Variants in ZBTB46 observed in about 807,000 individuals in gnomAD.
ZBTB46 encodes the protein zinc finger and BTB domain containing 46.
In ZBTB46, 8 loss-of-function variants were observed where a neutral mutation model predicts 44.1. The ratio of observed to expected loss-of-function variants is 0.18; its 90% confidence interval spans 0.11 to 0.33. The LOEUF (loss-of-function observed/expected upper bound fraction) is 0.33. Ranked by LOEUF, ZBTB46 falls within the 10% of genes least tolerant of loss-of-function variation. The pLI is 1.00. For missense variants in ZBTB46, 651 were observed against 847.7 expected (o/e 0.77, Z 2.88); for synonymous variants, 409 against 382.3 (o/e 1.07, Z -0.81).
chr20:63,805,216 A>C (rs2092673859), intron 1 of ZBTB46, among the ~76,000 whole-genome samples: 1 of 152,070 alleles, frequency 6.6e-6, no homozygotes. Flanking sequence ...ACCACGCCCG[A>C]CCTACAGTAC....
chr20:63,815,394 C>CAA (rs2092743582), intron 1 of ZBTB46, among the ~76,000 whole-genome samples: 1 of 144,864 alleles, frequency 6.9e-6, no homozygotes, highest in South Asian at 2.2e-4. Flanking sequence ...GCAGTGAGTG[C>CAA]AGGTGCAGTG....
rs116250690 is a variant in ZBTB46 at position 63,755,602 on chromosome 20, G to T, written c.1223-2741C>A. 7.6e-3 allele frequency among the ~76,000 whole-genome samples: 1,150 copies of T among 152,272 alleles called. 11 individuals are homozygous for T. Among genetic ancestry groups the T allele is most frequent in the African/African-American group, 0.027 (1,108 of 41,546 alleles). On this transcript the variant is annotated intron_variant, in intron 3 of 4. Transcript: ENST00000245663. ...AAGAGTCACATCCACAAGCTCTGAG[G>T]ATCAGGACGGAGTGTTCACTGCTCA...
chr20:63,773,725 C>T (rs887948537), intron 3 of ZBTB46, among the ~76,000 whole-genome samples: 1 of 152,096 alleles, frequency 6.6e-6, no homozygotes, highest in African/African-American at 2.4e-5. Flanking sequence ...GGCCCGGGAT[C>T]CCCCTCCGAC....
chr20:63,818,651 C>T (rs1484723608), intron 1 of ZBTB46, among the ~76,000 whole-genome samples: 1 of 151,878 alleles, frequency 6.6e-6, no homozygotes, highest in South Asian at 2.1e-4. Context: ...GTCAGGAGTT[C>T]GAGACCAGCC....
At chr20:63,781,523 T>A (rs1229691531) in intron 2 of ZBTB46, among the ~76,000 whole-genome samples, 1 of 152,126 alleles carries the variant, frequency 6.6e-6, no homozygotes. Context: ...AGGTGTGGCG[T>A]CTCACGTCTG....
Position 63,831,102 on chromosome 20 carries a change from A to AC in ZBTB46, c.-40dup, listed in dbSNP as rs978647449. Reference sequence around the variant, plus strand: ...AATGAGCCGGCGCCGCTTACCTGTGACCCCATGGGGCGCGGGCGAGGGCGG... The same window carrying AC: ...AATGAGCCGGCGCCGCTTACCTGTGACCCCCATGGGGCGCGGGCGAGGGCGG... On this transcript the variant is annotated 5_prime_UTR_variant, in exon 1 of 5. The change abolishes the stop of an existing upstream ORF in the 5' untranslated region. Transcript: ENST00000245663. The AC allele has an allele frequency of 7.6e-6, 1 of 132,338 alleles. No individual in the cohort carries two copies. The highest frequency in any genetic ancestry group is 2.8e-5 in the African/African-American group (1 of 36,262). 8.2% of individuals were successfully genotyped at this position (132,338 alleles called of 1,614,324 possible).
intron 1 of ZBTB46, among the ~76,000 whole-genome samples, chr20:63,822,398 G>A (rs2092797191): frequency 6.6e-6 from 1 of 152,208 alleles, no homozygotes; most frequent in Admixed American, 6.6e-5. Flanking sequence ...TCTCCCTAGA[G>A]CTGACACGTG....
intron 3 of ZBTB46, among the ~76,000 whole-genome samples, chr20:63,773,370 G>A (rs567923827): frequency 8.4e-4 from 127 of 151,954 alleles, no homozygotes; most frequent in African/African-American, 2.8e-3. Flanking sequence ...CTGGGACTAC[G>A]GGCACAAGGC....
chr20:63,772,614 G>C (rs1172028525), intron 3 of ZBTB46, among the ~76,000 whole-genome samples: 1 of 152,134 alleles, frequency 6.6e-6, no homozygotes, highest in African/African-American at 2.4e-5. Flanking sequence ...AGCTACTTGG[G>C]AGGCTGAGGC....
At chr20:63,750,689 G>A (rs532325905) in intron 4 of ZBTB46, among the ~76,000 whole-genome samples, 217 of 152,222 alleles carry the variant, frequency 1.4e-3, no homozygotes, top group Non-Finnish European at 2.7e-3. Flanking sequence ...TGGCTCACTT[G>A]AGGCCAGGAG....
chr20:63,780,252 CAA>C (rs899136297), intron 2 of ZBTB46, among the ~76,000 whole-genome samples: 12 of 149,288 alleles, frequency 8.0e-5, no homozygotes, highest in African/African-American at 3.0e-4. Flanking sequence ...GCCTGGGCAA[CAA>C]GAGTGAAACT....
intron 1 of ZBTB46, among the ~76,000 whole-genome samples, chr20:63,816,137 G>A (rs2092755994): frequency 9.6e-6 from 1 of 104,110 alleles, no homozygotes; most frequent in South Asian, 3.0e-4. Context: ...CGCAGGTGCA[G>A]TGGGTGCAGG....
At chr20:63,832,051 C>A (rs1005407486), upstream of ZBTB46, among the ~76,000 whole-genome samples, 3 of 151,782 alleles carry the variant, frequency 2.0e-5, no homozygotes, top group African/African-American at 7.3e-5. This position sits in a 1 kb window ranked among gnomAD's most constrained non-coding sequence, Gnocchi z 5.0. Context: ...GGGGCACCGG[C>A]GGCCGCGCGT....
intron 3 of ZBTB46, 53 bp downstream of exon 3, chr20:63,775,625 C>T: frequency 6.6e-7 from 1 of 1,512,772 alleles, no homozygotes; most frequent in Non-Finnish European, 8.8e-7. Context: ...ACCTGCAACC[C>T]TCAGCCTTCA....
At chr20:63,799,959 C>T (rs2092631058) in intron 1 of ZBTB46, among the ~76,000 whole-genome samples, 1 of 152,230 alleles carries the variant, frequency 6.6e-6, no homozygotes, top group Non-Finnish European at 1.5e-5. Flanking sequence ...AGAAGCAAAA[C>T]CACCTGTCCA....
chr20:63,757,369 C>T (rs557445403), intron 3 of ZBTB46, among the ~76,000 whole-genome samples: 2 of 152,148 alleles, frequency 1.3e-5, no homozygotes, highest in East Asian at 1.9e-4. Flanking sequence ...GTGATCCACC[C>T]GCCTCGGCCT....
At position 63,752,559 on chromosome 20, in the gene ZBTB46, G is replaced by A. The variant is rs1449686387; in HGVS notation, c.1398+127C>T. The A allele has an allele frequency of 7.6e-6, 9 of 1,187,680 alleles. No homozygotes were observed. Among genetic ancestry groups the A allele is most frequent in the Non-Finnish European group, 9.9e-6 (9 of 907,262 alleles). 73.6% of individuals were successfully genotyped at this position (1,187,680 alleles called of 1,614,324 possible). Reference sequence around the variant, plus strand: ...CCGGGGCGGATCTCCCTGCCCTGCTGTCGTCCCCCCTGTGCAGAGTGGACC... The same window carrying A: ...CCGGGGCGGATCTCCCTGCCCTGCTATCGTCCCCCCTGTGCAGAGTGGACC... On this transcript the variant is annotated intron_variant, in intron 4 of 4. Coordinates refer to ENST00000245663, the MANE Select transcript of ZBTB46 (RefSeq NM_001369741.1). The surrounding 1 kb of genome is among the most constrained non-coding windows in gnomAD (Gnocchi z 5.6).
chr20:63,756,035 T>C (rs1375253958), intron 3 of ZBTB46, among the ~76,000 whole-genome samples: 1 of 152,156 alleles, frequency 6.6e-6, no homozygotes, highest in Non-Finnish European at 1.5e-5. Context: ...CTGTACAGAA[T>C]TGCCCCTGTG....
chr20:63,778,157 A>G (rs6122171), intron 2 of ZBTB46, among the ~76,000 whole-genome samples: 82,219 of 151,706 alleles, frequency 0.54, 22,455 homozygotes, highest in South Asian at 0.62. Flanking sequence ...TCTGAACTGC[A>G]GACTTTAAAT....
Sources: allele counts gnomAD v4.1 joint callset (sites outside exome capture counted in the v4.1 genomes callset), GRCh38; gene constraint gnomAD v4.1.1; non-coding constraint Gnocchi (gnomAD v3.1); transcripts MANE v1.5; gene names NCBI Gene and HGNC (gene_info 2026-07-23, HGNC 2026-07-21).